Variants in PARD3 observed in about 807,000 individuals in gnomAD.
PARD3 encodes partitioning defective 3 homolog.
PARD3 carries 75 observed loss-of-function variants against 155.4 expected under a neutral mutation model. The observed-to-expected ratio is 0.48, with a 90% CI of 0.40 to 0.58. PARD3 has a LOEUF of 0.58. Ranked by LOEUF, PARD3 falls within the 20% of genes least tolerant of loss-of-function variation. The probability of loss-of-function intolerance (pLI) is 0.00; values close to 1 mark genes in which losing one functional copy is unlikely to be tolerated. For synonymous variants in PARD3, 576 were observed against 610.5 expected (o/e 0.94, Z 0.83); for missense variants, 1,642 against 1,721.7 (o/e 0.95, Z 0.82).
intron 7 of PARD3, among the ~76,000 whole-genome samples, chr10:34,390,270 T>C (rs568730649): frequency 6.6e-6 from 1 of 152,136 alleles, no homozygotes. Flanking sequence ...TACGACATAA[T>C]AGTAAATTTT....
chr10:34,488,104 C>G (rs2079596114), intron 3 of PARD3, among the ~76,000 whole-genome samples: 1 of 152,048 alleles, frequency 6.6e-6, no homozygotes, highest in Admixed American at 6.6e-5. Flanking sequence ...TGCCAGTTTT[C>G]TGTCACCTCA....
At chr10:34,572,546 G>A (rs1003624197) in intron 2 of PARD3, among the ~76,000 whole-genome samples, 2 of 151,662 alleles carry the variant, frequency 1.3e-5, no homozygotes, top group Admixed American at 1.3e-4. Flanking sequence ...GGCTGAGAGG[G>A]AGGAGAATTG....
At chr10:34,413,445 A>T (rs1209061968) in intron 5 of PARD3, among the ~76,000 whole-genome samples, 2 of 28,564 alleles carry the variant, frequency 7.0e-5, no homozygotes, top group Non-Finnish European at 1.2e-4. Context: ...GGCCAGCTCT[A>T]CCTTTTTTTT....
chr10:34,330,487 C>T (rs1484980166), intron 19 of PARD3, among the ~76,000 whole-genome samples: 1 of 151,414 alleles, frequency 6.6e-6, no homozygotes, highest in Non-Finnish European at 1.5e-5. Flanking sequence ...ATGAGTAATT[C>T]CTGAAAGCAA....
At chr10:34,532,623 C>T (rs544197967) in intron 2 of PARD3, among the ~76,000 whole-genome samples, 44 of 152,276 alleles carry the variant, frequency 2.9e-4, no homozygotes, top group African/African-American at 5.8e-4. Flanking sequence ...GATATACTTT[C>T]GGCAGATTCA....
At chr10:34,120,349 C>A (rs1250180276) in intron 23 of PARD3, among the ~76,000 whole-genome samples, 1 of 151,694 alleles carries the variant, frequency 6.6e-6, no homozygotes, top group South Asian at 2.1e-4. Context: ...CATAAGACAC[C>A]ATTTACCTCT....
At chr10:34,631,269 G>C (rs947412097) in intron 2 of PARD3, among the ~76,000 whole-genome samples, 1 of 151,998 alleles carries the variant, frequency 6.6e-6, no homozygotes, top group Non-Finnish European at 1.5e-5. Flanking sequence ...TTTTCCCCTC[G>C]AAATGTGGTA....
At chr10:34,727,118 G>A (rs139258341) in intron 1 of PARD3, among the ~76,000 whole-genome samples, 2 of 152,312 alleles carry the variant, frequency 1.3e-5, no homozygotes, top group East Asian at 1.9e-4. Flanking sequence ...CACCCTGTGT[G>A]GTGGGGGATT....
intron 2 of PARD3, among the ~76,000 whole-genome samples, chr10:34,566,758 T>G (rs982144562): frequency 1.6e-4 from 25 of 152,012 alleles, no homozygotes; most frequent in Non-Finnish European, 3.1e-4. Context: ...TTAACCAAAG[T>G]TTTTTTTACA....
Position 34,651,011 on chromosome 10 carries a change from C to CAAAAAA in PARD3, c.222+45301_222+45306dup, listed in dbSNP as rs60113552. On this transcript the variant is annotated intron_variant, in intron 2 of 24. Coordinates refer to ENST00000374788, the MANE Select transcript of PARD3 (RefSeq NM_001184785.2). ...GGGCAACAAGAACGAAACTCTGTCT[C>CAAAAAA]AAAAAAAAAAAAAAAAAAAAAAAAA... is the stretch of plus-strand genomic sequence containing the variant. Among the ~76,000 whole-genome samples, 34 of 44,546 alleles carry CAAAAAA rather than the reference C, an allele frequency of 7.6e-4. 5 individuals carry two copies. Among genetic ancestry groups the CAAAAAA allele is most frequent in the East Asian group, 6.4e-3 (6 of 940 alleles). The allele number at this position is 44,546 out of a possible 152,430, so 29.2% of individuals were successfully genotyped here. A position where few individuals can be genotyped will look rare whatever the true frequency, so the allele number is the denominator to read the frequency against.
intron 7 of PARD3, among the ~76,000 whole-genome samples, chr10:34,397,520 T>A (rs1376599256): frequency 2.0e-5 from 3 of 152,332 alleles, no homozygotes; most frequent in East Asian, 3.9e-4. Context: ...TGCAAAGACA[T>A]ACTTGTTTTC....
At position 34,374,854 on chromosome 10, in the gene PARD3, T is replaced by C. The variant is rs2134666203; in HGVS notation, c.1668+20A>G. ...GCTGCTGCATATCAGAAATCTTTCA[T>C]CTACTCTAAATTTACACACCAGTTC... On this transcript the variant is annotated intron_variant, in intron 11 of 24. Transcript: ENST00000374788. The C allele has an allele frequency of 2.5e-6, 4 of 1,611,160 alleles. No homozygotes were observed. The South Asian group carries it at 3.3e-5, about 13-fold the overall frequency.
chr10:34,480,826 G>A (rs1398063125), intron 3 of PARD3, among the ~76,000 whole-genome samples: 4 of 135,108 alleles, frequency 3.0e-5, no homozygotes, highest in Non-Finnish European at 3.1e-5. Flanking sequence ...TTTTTGAGAC[G>A]GAGTCTTGCT....
intron 5 of PARD3, among the ~76,000 whole-genome samples, chr10:34,405,945 C>T (rs1299657008): frequency 1.3e-5 from 2 of 152,136 alleles, no homozygotes; most frequent in Non-Finnish European, 2.9e-5. Flanking sequence ...CTACAAACAT[C>T]CTTGAAAAGA....
intron 24 of PARD3, among the ~76,000 whole-genome samples, chr10:34,112,267 G>A (rs1946424831): frequency 6.6e-6 from 1 of 152,068 alleles, no homozygotes; most frequent in South Asian, 2.1e-4. Context: ...CAAAGGCCAG[G>A]GTGACCTACT....
rs773372368 is a variant in PARD3, at chr10:34,310,323, A to C, written c.3065+6784T>G. Among the ~76,000 whole-genome samples, 10 of 152,224 alleles carry C rather than the reference A, an allele frequency of 6.6e-5. 1 individual carries two copies. Among genetic ancestry groups the C allele is most frequent in the Non-Finnish European group, 1.2e-4 (8 of 68,034 alleles). Reference sequence around the variant, plus strand: ...GTATTTATTTACCCTGTGTTATTAGAAAGTGAATAGTCAGTAGCCTTCAAT... The same window carrying C: ...GTATTTATTTACCCTGTGTTATTAGCAAGTGAATAGTCAGTAGCCTTCAAT... On this transcript the variant is annotated intron_variant, in intron 20 of 24. Coordinates refer to ENST00000374788, the MANE Select transcript of PARD3 (RefSeq NM_001184785.2).
In PARD3 at chr10:34,346,586, A is replaced by G. The variant is rs1221580441; in HGVS notation, c.2218+1379T>C. The G allele has an allele frequency of 6.6e-6, 7 of 1,063,534 alleles. No homozygotes were observed. The East Asian group carries it at 3.6e-4, about 55-fold the overall frequency. 65.9% of individuals were successfully genotyped at this position (1,063,534 alleles called of 1,614,324 possible). ...TTTAACAAAGATAAAGATTTATACCAAAGCCAAGAAAGTACAGAAAATCCA... is the reference window on the plus strand; with the variant it reads ...TTTAACAAAGATAAAGATTTATACCGAAGCCAAGAAAGTACAGAAAATCCA... On this transcript the variant is annotated intron_variant, in intron 15 of 24. Coordinates refer to ENST00000374788, the MANE Select transcript of PARD3 (RefSeq NM_001184785.2).
At chr10:34,659,270 G>A (rs1011363771) in intron 2 of PARD3, among the ~76,000 whole-genome samples, 3 of 151,724 alleles carry the variant, frequency 2.0e-5, no homozygotes, top group African/African-American at 7.3e-5. Context: ...TATTTCTAAG[G>A]GTTTTGTTCC....
chr10:34,666,844 C>T (rs2093497842), intron 2 of PARD3, among the ~76,000 whole-genome samples: 1 of 119,734 alleles, frequency 8.4e-6, no homozygotes, highest in African/African-American at 3.1e-5. Context: ...CACAAACATA[C>T]ATTTCAGACC....
Sources: gnomAD v4.1 joint callset for allele counts (sites outside exome capture counted in the v4.1 genomes callset) on GRCh38, gnomAD v4.1.1 for gene constraint, MANE v1.5 for transcripts, NCBI Gene and HGNC (gene_info 2026-07-23, HGNC 2026-07-21) for gene names.